Variants in LINGO2 observed in about 807,000 individuals in gnomAD.
The protein encoded by LINGO2 is leucine-rich repeat and immunoglobulin-like domain-containing nogo receptor-interacting protein 2.
In LINGO2, 14 loss-of-function variants were observed where a neutral mutation model predicts 30.6. The ratio of observed to expected loss-of-function variants is 0.46; its 90% confidence interval spans 0.30 to 0.72. The LOEUF is 0.72. Among genes scored for constraint, LINGO2 ranks in the 30% least tolerant of loss-of-function variants. The probability of loss-of-function intolerance (pLI) is 0.07; values close to 1 mark genes in which losing one functional copy is unlikely to be tolerated. For missense variants in LINGO2, 729 were observed against 751.7 expected (o/e 0.97, Z 0.35); for synonymous variants, 317 against 288.5 (o/e 1.10, Z -1.00).
At chr9:29,063,837 T>C in the LINGO2 span, among the ~76,000 whole-genome samples, 1 of 151,906 alleles carries the variant, frequency 6.6e-6, no homozygotes, top group Non-Finnish European at 1.5e-5. Flanking sequence ...TATACTAGTA[T>C]ACTGCATTGT....
At chr9:28,999,865 T>A in the LINGO2 span, among the ~76,000 whole-genome samples, 1 of 151,640 alleles carries the variant, frequency 6.6e-6, no homozygotes, top group Non-Finnish European at 1.5e-5. Flanking sequence ...ACTGCTCTGA[T>A]ACATTCCAAT....
At chr9:28,269,770 A>G (rs1822876957) in intron 4 of LINGO2, among the ~76,000 whole-genome samples, 1 of 152,156 alleles carries the variant, frequency 6.6e-6, no homozygotes, top group South Asian at 2.1e-4. Flanking sequence ...CCATTCATCC[A>G]ACCATTCATG....
the LINGO2 span, among the ~76,000 whole-genome samples, chr9:28,878,757 A>T: frequency 3.0e-4 from 45 of 152,206 alleles, no homozygotes; most frequent in African/African-American, 1.1e-3. Context: ...ATCTCAATAG[A>T]TGCAGAAAAG....
chr9:28,931,773 A>G, the LINGO2 span, among the ~76,000 whole-genome samples: 70 of 152,270 alleles, frequency 4.6e-4, 1 homozygote, highest in East Asian at 0.011. Flanking sequence ...TTGAGGCATC[A>G]CTTACAAATG....
At chr9:28,028,993 T>C (rs971499048) in intron 4 of LINGO2, among the ~76,000 whole-genome samples, 1 of 152,148 alleles carries the variant, frequency 6.6e-6, no homozygotes, top group Non-Finnish European at 1.5e-5. Context: ...TATTGGGTGC[T>C]TCTTAGGGAG....
chr9:28,676,285 G>A, the LINGO2 span, among the ~76,000 whole-genome samples: 3 of 151,898 alleles, frequency 2.0e-5, no homozygotes, highest in Admixed American at 6.6e-5. Flanking sequence ...TGGAGCAATA[G>A]AGAGAAGACA....
At chr9:28,584,933 A>ATTTT (rs1046279252) in intron 1 of LINGO2, among the ~76,000 whole-genome samples, 1,231 of 13,444 alleles carry the variant, frequency 0.092, 22 homozygotes, top group African/African-American at 0.2. Flanking sequence ...ACTGCAAGAG[A>ATTTT]TTTTTTTTTT....
At chr9:28,007,421 A>C (rs1822321250) in intron 5 of LINGO2, among the ~76,000 whole-genome samples, 1 of 152,226 alleles carries the variant, frequency 6.6e-6, no homozygotes, top group Admixed American at 6.5e-5. Context: ...GCTTACTAGC[A>C]GAAAAGTTAC....
chr9:28,307,424 G>C (rs1294593437), intron 3 of LINGO2, among the ~76,000 whole-genome samples: 2 of 152,112 alleles, frequency 1.3e-5, no homozygotes, highest in Non-Finnish European at 2.9e-5. Context: ...TTGATGGGAC[G>C]TATCTCAAAA....
intron 4 of LINGO2, among the ~76,000 whole-genome samples, chr9:28,072,889 G>A (rs190462866): frequency 2.6e-5 from 4 of 152,092 alleles, no homozygotes; most frequent in Admixed American, 6.6e-5. Flanking sequence ...CTGATAGCAC[G>A]ATATGCCATC....
the LINGO2 span, among the ~76,000 whole-genome samples, chr9:28,732,696 G>A: frequency 3.9e-5 from 6 of 152,300 alleles, no homozygotes; most frequent in Non-Finnish European, 8.8e-5. Context: ...GCTGGATACA[G>A]ACTTTTTTGT....
rs1221406795 is a variant in LINGO2 at position 27,998,225 on chromosome 9, T to C, written c.-36+14130A>G. On this transcript the variant is annotated intron_variant, in intron 5 of 5. Coordinates refer to ENST00000379992, the Ensembl canonical transcript of LINGO2. ...TGGAGAAAGTGGTGCTGTGTGACTC[T>C]GAGGCTAGGTCATATGAAACCTTTC... is the stretch of plus-strand genomic sequence containing the variant. 3.3e-5 allele frequency among the ~76,000 whole-genome samples: 5 copies of C among 152,290 alleles called. 1 individual carries two copies. In the Middle Eastern group the frequency reaches 0.01, roughly 311 times the overall value.
chr9:29,159,978 C>A, the LINGO2 span, among the ~76,000 whole-genome samples: 1 of 152,130 alleles, frequency 6.6e-6, no homozygotes, highest in African/African-American at 2.4e-5. Context: ...GTTTCACTTA[C>A]AATTGTTTAC....
the LINGO2 span, among the ~76,000 whole-genome samples, chr9:28,780,390 A>G: frequency 6.6e-6 from 1 of 152,156 alleles, no homozygotes; most frequent in South Asian, 2.1e-4. Context: ...CAGCCAAAAT[A>G]AGGTTTACAG....
At chr9:28,695,516 G>T in the LINGO2 span, among the ~76,000 whole-genome samples, 3 of 151,816 alleles carry the variant, frequency 2.0e-5, no homozygotes, top group Non-Finnish European at 2.9e-5. Context: ...TAAATGCCTT[G>T]ATAAATGGGT....
intron 4 of LINGO2, among the ~76,000 whole-genome samples, chr9:28,146,185 G>C (rs183458253): frequency 6.6e-6 from 1 of 152,194 alleles, no homozygotes; most frequent in South Asian, 2.1e-4. Flanking sequence ...CCCTTCAGAT[G>C]TAACTGCCCA....
intron 1 of LINGO2, among the ~76,000 whole-genome samples, chr9:28,609,193 G>A (rs973629565): frequency 6.2e-5 from 9 of 145,558 alleles, no homozygotes; most frequent in African/African-American, 2.3e-4. Flanking sequence ...AAAAATATTC[G>A]AGGAAAGTAA....
chr9:29,193,873 T>C, the LINGO2 span, among the ~76,000 whole-genome samples: 1 of 152,184 alleles, frequency 6.6e-6, no homozygotes, highest in African/African-American at 2.4e-5. Flanking sequence ...CACCCATGCA[T>C]CCACTGATGC....
chr9:28,642,338 C>T (rs1827630385), intron 1 of LINGO2, among the ~76,000 whole-genome samples: 1 of 152,088 alleles, frequency 6.6e-6, no homozygotes, highest in Admixed American at 6.5e-5. Flanking sequence ...TTTATTCAAA[C>T]TATTGGCCTT....
Sources: allele counts gnomAD v4.1 joint callset (sites outside exome capture counted in the v4.1 genomes callset), GRCh38; gene constraint gnomAD v4.1.1; transcripts MANE v1.5; gene names NCBI Gene and HGNC (gene_info 2026-07-23, HGNC 2026-07-21).